BTAF1: variants seen among roughly 807,000 people sequenced by gnomAD.
BTAF1 encodes the protein B-TFIID TATA-box binding protein associated factor 1.
Under a neutral mutation model 227.1 loss-of-function variants are expected in BTAF1, and 38 were observed. The observed-to-expected ratio is 0.17, with a 90% CI of 0.13 to 0.22. The LOEUF (loss-of-function observed/expected upper bound fraction) is 0.22, where lower values mean the gene tolerates loss of function less well. BTAF1 is among the 10% of genes least tolerant of loss of function. The pLI is 1.00. For missense variants in BTAF1, 1,598 were observed against 2,204.0 expected (o/e 0.73, Z 5.51); for synonymous variants, 742 against 751.9 (o/e 0.99, Z 0.21).
intron 30 of BTAF1, among the ~76,000 whole-genome samples, chr10:92,012,455 C>G (rs1237156298): frequency 6.7e-6 from 1 of 148,308 alleles, no homozygotes; most frequent in Non-Finnish European, 1.5e-5. Context: ...TAATTACAAG[C>G]CTTTCTAAAT....
chr10:91,926,632 A>G (rs549994494), intron 1 of BTAF1, among the ~76,000 whole-genome samples: 1 of 152,308 alleles, frequency 6.6e-6, no homozygotes, highest in East Asian at 1.9e-4. Flanking sequence ...ATCTTTTGAA[A>G]ATACACACTC....
chr10:92,003,557 ATGT>A lies in BTAF1; in HGVS notation c.3661-4562_3661-4560del, dbSNP rs140928739. On this transcript the variant is annotated intron_variant, in intron 25 of 37. Transcript: ENST00000265990. ...AGCATAATGTCATCCAGGTTTATTC[ATGT>A]TGTCACAAATGACAAAATTACCTTC... 3.0e-3 allele frequency among the ~76,000 whole-genome samples: 462 copies of A among 152,308 alleles called. 9 individuals carry two copies. Among genetic ancestry groups the A allele is most frequent in the African/African-American group, 0.011 (452 of 41,562 alleles).
chr10:91,960,587 G>GTT lies in BTAF1; in HGVS notation c.1263+448_1263+449dup, dbSNP rs369256520. On this transcript the variant is annotated intron_variant, in intron 11 of 37. Transcript: ENST00000265990. ...TGTACTTTTTACATAAACTGTCAGT[G>GTT]TTTTTTTTTTTTTTTTAATCCTTTA... is the stretch of plus-strand genomic sequence containing the variant. Among the ~76,000 whole-genome samples the GTT allele has an allele frequency of 1.7e-3, 241 of 140,288 alleles. 1 individual carries two copies. The East Asian group carries it at 0.022, about 13-fold the overall frequency. 92.0% of individuals were successfully genotyped at this position (140,288 alleles called of 152,430 possible). A position where few individuals can be genotyped will look rare whatever the true frequency, so the allele number is the denominator to read the frequency against.
At chr10:91,983,874 G>C (rs898898174) in intron 18 of BTAF1, among the ~76,000 whole-genome samples, 1 of 149,968 alleles carries the variant, frequency 6.7e-6, no homozygotes, top group Non-Finnish European at 1.5e-5. Flanking sequence ...ATTAGTGCTT[G>C]ATAGATTTCT....
intron 4 of BTAF1, among the ~76,000 whole-genome samples, chr10:91,945,213 T>TG (rs1845283547): frequency 1.3e-5 from 2 of 152,194 alleles, no homozygotes; most frequent in Admixed American, 1.3e-4. Context: ...AAGGTTCATC[T>TG]ATATGACAGC....
In BTAF1 at chr10:91,923,926, C is replaced by T. The variant is rs1341043759; in HGVS notation, c.-151C>T. The stretch of plus-strand genomic sequence containing the variant: ...GCTCGGGTAGGCGGCAGGGCAGATG[C>T]CCGAGGGCCTGCGCTGGAACGCCCC... On this transcript the variant is annotated 5_prime_UTR_variant, in exon 1 of 38. Transcript: ENST00000265990. 15 of 967,584 alleles carry T rather than the reference C, an allele frequency of 1.6e-5. No individual in the cohort carries two copies. Among genetic ancestry groups the T allele is most frequent in the Non-Finnish European group, 2.0e-5 (14 of 706,718 alleles). The allele number at this position is 967,584 out of a possible 1,614,324, so 59.9% of individuals were successfully genotyped here.
At chr10:92,002,545 A>G (rs938792445) in intron 25 of BTAF1, among the ~76,000 whole-genome samples, 2 of 152,162 alleles carry the variant, frequency 1.3e-5, no homozygotes, top group African/African-American at 4.8e-5. Context: ...GAGGATAAAT[A>G]TATGAAGATT....
chr10:91,929,429 G>A (rs2133764826), intron 1 of BTAF1, among the ~76,000 whole-genome samples: 1 of 152,328 alleles, frequency 6.6e-6, no homozygotes, highest in East Asian at 1.9e-4. Flanking sequence ...AAATGTTACA[G>A]TGTTCAGAAA....
chr10:91,976,634 C>T (rs1047299310), intron 14 of BTAF1, among the ~76,000 whole-genome samples: 2 of 152,090 alleles, frequency 1.3e-5, no homozygotes, highest in Admixed American at 6.6e-5. Flanking sequence ...AGATCAAATA[C>T]GTTTCTTTTT....
rs1034613905 is a variant in BTAF1 at position 91,939,987 on chromosome 10, C to G, written c.174C>G (p.Thr58=). 6.2e-7 allele frequency: 1 copy of G among 1,611,726 alleles called. No individual in the cohort carries two copies. Among genetic ancestry groups the G allele is most frequent in the Non-Finnish European group, 8.5e-7 (1 of 1,178,726 alleles). ...LIYLRSANWD[T]RIAAGQAVEA... ...ATTTAAGGAGTGCAAATTGGGATAC[C>G]CGGATTGCAGCAGGACAAGCTGTTG... is the stretch of plus-strand genomic sequence containing the variant. Residue 58 remains threonine, a synonymous_variant, in exon 3 of 38, where the codon ACC becomes ACG. Transcript: ENST00000265990.
At chr10:92,016,213 T>G in intron 32 of BTAF1, 127 bp from the exon 33 acceptor site, 1 of 1,098,116 alleles carries the variant, frequency 9.1e-7, no homozygotes, top group Non-Finnish European at 1.3e-6. Context: ...ATTAGAGATA[T>G]CACAATTTGT....
intron 33 of BTAF1, among the ~76,000 whole-genome samples, chr10:92,017,640 G>T (rs1465367670): frequency 6.6e-6 from 1 of 151,846 alleles, no homozygotes; most frequent in Non-Finnish European, 1.5e-5. Flanking sequence ...TTCCTAAGTA[G>T]GTAGGACTAC....
At chr10:91,930,073 T>A (rs923543837) in intron 1 of BTAF1, among the ~76,000 whole-genome samples, 5 of 152,298 alleles carry the variant, frequency 3.3e-5, no homozygotes, top group Middle Eastern at 3.4e-3. Context: ...AAAAATTTTT[T>A]AATTGTGACA....
intron 34 of BTAF1, among the ~76,000 whole-genome samples, chr10:92,023,218 T>TC (rs1376821728): frequency 1.3e-5 from 2 of 152,218 alleles, no homozygotes; most frequent in Non-Finnish European, 2.9e-5. Flanking sequence ...GTTCCAAATT[T>TC]CAACCTTACG....
chr10:92,016,222 G>T, intron 32 of BTAF1, 118 bp from the exon 33 acceptor site: 3 of 1,225,036 alleles, frequency 2.4e-6, no homozygotes, highest in Non-Finnish European at 3.4e-6. Flanking sequence ...ATCACAATTT[G>T]TTTTCATTAA....
At chr10:91,964,287 C>T in intron 13 of BTAF1, 86 bp downstream of exon 13, 7 of 1,425,388 alleles carry the variant, frequency 4.9e-6, no homozygotes, top group East Asian at 2.3e-5. Context: ...AATATTTTAG[C>T]ACCTTTAAGA....
Position 91,989,365 on chromosome 10 carries a change from C to T in BTAF1, c.2639C>T (p.Pro880Leu). The change falls in exon 20 of 38, where the codon CCA becomes CTA. Residue 880 changes from proline to leucine, a missense_variant. This residue lies in a region of BTAF1 where 425 missense variants were observed against 491.2 expected (regional missense o/e 0.87). Coordinates refer to ENST00000265990, the MANE Select transcript of BTAF1 (RefSeq NM_003972.3). ...LPEKLNPIIK[P>L]LMETIKKEEN... ...GAGAAATTAAATCCTATCATAAAACCATTAATGGAGACAATTAAAAAAGAA... is the reference window on the plus strand; with the variant it reads ...GAGAAATTAAATCCTATCATAAAACTATTAATGGAGACAATTAAAAAAGAA... The T allele has an allele frequency of 6.2e-7, 1 of 1,614,094 alleles. No individual in the cohort carries two copies. Among genetic ancestry groups the T allele is most frequent in the Non-Finnish European group, 8.5e-7 (1 of 1,180,018 alleles).
At chr10:91,984,695 GA>G (rs1848283221) in intron 19 of BTAF1, among the ~76,000 whole-genome samples, 2 of 152,056 alleles carry the variant, frequency 1.3e-5, no homozygotes, top group Non-Finnish European at 2.9e-5. Context: ...GCAGAGTATA[GA>G]AAAAACTGCT....
In BTAF1 at chr10:92,024,746, T is replaced by C. The variant is rs768804573; in HGVS notation, c.4864-10T>C. On this transcript the variant is annotated splice_polypyrimidine_tract_variant and intron_variant, in intron 34 of 37. Coordinates refer to ENST00000265990, the MANE Select transcript of BTAF1 (RefSeq NM_003972.3). ...ACGCTTATGTAGTTTTTTTTTTTTTTCTTCCTAAGTTGCTGTTGGACTGCG... is the reference window on the plus strand; with the variant it reads ...ACGCTTATGTAGTTTTTTTTTTTTTCCTTCCTAAGTTGCTGTTGGACTGCG... The C allele has an allele frequency of 1.0e-5, 16 of 1,576,384 alleles. No individual in the cohort carries two copies. The African/African-American group carries it at 1.2e-4, about 12-fold the overall frequency.
Sources: gnomAD v4.1 joint callset for allele counts (sites outside exome capture counted in the v4.1 genomes callset) on GRCh38, gnomAD v4.1.1 for gene constraint, gnomAD v4.1.1 regional missense constraint, MANE v1.5 for transcripts, NCBI Gene and HGNC (gene_info 2026-07-23, HGNC 2026-07-21) for gene names.